Variants in DSCAM observed in about 807,000 individuals in gnomAD.
DSCAM encodes cell adhesion molecule DSCAM.
Under a neutral mutation model 217.7 loss-of-function variants are expected in DSCAM, and 47 were observed. That is an observed-to-expected ratio of 0.22 (90% confidence interval 0.17 to 0.28). DSCAM has a LOEUF of 0.28. DSCAM is among the 10% of genes least tolerant of loss of function. DSCAM has a pLI of 1.00. For synonymous variants in DSCAM, 1,056 were observed against 1,015.3 expected, an observed-to-expected ratio of 1.04 and a Z score of -0.76; for missense variants, 2,080 against 2,618.3, an observed-to-expected ratio of 0.79 and a Z score of 4.49.
At chr21:40,161,211 G>A (rs1385159104) in intron 16 of DSCAM, among the ~76,000 whole-genome samples, 1 of 152,172 alleles carries the variant, frequency 6.6e-6, no homozygotes, top group East Asian at 1.9e-4. Flanking sequence ...TCTGTCCTGG[G>A]ACAGAGAACT....
chr21:40,775,798 C>T (rs887266920), intron 1 of DSCAM, among the ~76,000 whole-genome samples: 1 of 152,130 alleles, frequency 6.6e-6, no homozygotes, highest in Non-Finnish European at 1.5e-5. Context: ...CCTTTTTGTA[C>T]ATTTGTATCT....
chr21:40,487,431 T>C (rs140857059), intron 3 of DSCAM, among the ~76,000 whole-genome samples: 72 of 152,078 alleles, frequency 4.7e-4, no homozygotes, highest in African/African-American at 1.7e-3. Context: ...CATACTGCTA[T>C]TGTCTCTCAG....
chr21:40,095,317 A>G (rs1379507347), intron 20 of DSCAM, among the ~76,000 whole-genome samples: 1 of 152,212 alleles, frequency 6.6e-6, no homozygotes, highest in Non-Finnish European at 1.5e-5. Context: ...TAAAGATGAG[A>G]TTTGGCTGGG....
intron 3 of DSCAM, among the ~76,000 whole-genome samples, chr21:40,659,371 ATCTATCTATC>A (rs2090111686): frequency 2.1e-5 from 3 of 144,566 alleles, no homozygotes; most frequent in Non-Finnish European, 4.4e-5. Context: ...CTATCTATCT[ATCTATCTATC>A]TATCTATCTA....
intron 3 of DSCAM, among the ~76,000 whole-genome samples, chr21:40,516,699 G>A (rs569564692): frequency 6.6e-6 from 1 of 152,288 alleles, no homozygotes; most frequent in East Asian, 1.9e-4. Context: ...CAGAGGTCAG[G>A]AAGGAGAGAA....
At chr21:40,553,092 G>A (rs189570660) in intron 3 of DSCAM, among the ~76,000 whole-genome samples, 37 of 152,236 alleles carry the variant, frequency 2.4e-4, no homozygotes, top group Middle Eastern at 6.8e-3. Flanking sequence ...ATAACAAACC[G>A]TTTAACAATC....
intron 16 of DSCAM, among the ~76,000 whole-genome samples, chr21:40,166,666 A>G (rs1463031286): frequency 6.6e-6 from 1 of 152,236 alleles, no homozygotes; most frequent in African/African-American, 2.4e-5. Context: ...TCCAACAAAC[A>G]CTAAAGTAAC....
chr21:40,261,338 G>A (rs1569029186), intron 11 of DSCAM, among the ~76,000 whole-genome samples: 1 of 152,144 alleles, frequency 6.6e-6, no homozygotes, highest in Non-Finnish European at 1.5e-5. Flanking sequence ...GGGTGTTTCT[G>A]GGCAAGATTA....
At chr21:40,167,500 G>T (rs1179135339) in intron 15 of DSCAM, among the ~76,000 whole-genome samples, 1 of 152,096 alleles carries the variant, frequency 6.6e-6, no homozygotes, top group Non-Finnish European at 1.5e-5. Flanking sequence ...CATGAATCTT[G>T]GGGACCTATC....
intron 3 of DSCAM, among the ~76,000 whole-genome samples, chr21:40,659,499 T>TTATC (rs573118061): frequency 5.3e-5 from 8 of 152,182 alleles, no homozygotes; most frequent in Non-Finnish European, 7.3e-5. Flanking sequence ...TATTTATCTA[T>TTATC]TATCTATCTA....
At chr21:40,036,151 G>C (rs1354636935) in intron 32 of DSCAM, among the ~76,000 whole-genome samples, 1 of 140,430 alleles carries the variant, frequency 7.1e-6, no homozygotes, top group African/African-American at 2.8e-5. Flanking sequence ...CAGAAGGCAA[G>C]AAATAACTAA....
chr21:40,536,024 A>C (rs539543431), intron 3 of DSCAM, among the ~76,000 whole-genome samples: 1 of 152,356 alleles, frequency 6.6e-6, no homozygotes, highest in East Asian at 1.9e-4. Flanking sequence ...CACCCACTGC[A>C]GTGCAGTGTT....
chr21:40,025,723 T>C (rs2088366232), intron 32 of DSCAM, among the ~76,000 whole-genome samples: 2 of 150,930 alleles, frequency 1.3e-5, no homozygotes, highest in African/African-American at 4.9e-5. Context: ...TGATGTCCCC[T>C]TTATCATTTT....
At chr21:40,261,745 A>T (rs2073455186) in intron 11 of DSCAM, among the ~76,000 whole-genome samples, 1 of 152,072 alleles carries the variant, frequency 6.6e-6, no homozygotes, top group South Asian at 2.1e-4. Context: ...ATGTATGCTA[A>T]TAAATAGCAC....
intron 3 of DSCAM, among the ~76,000 whole-genome samples, chr21:40,380,486 T>C (rs968507593): frequency 1.3e-5 from 2 of 152,078 alleles, no homozygotes; most frequent in Admixed American, 1.3e-4. Context: ...AAAGAGTACA[T>C]TGACAAAGAA....
chr21:40,719,053 T>C (rs890331565), intron 1 of DSCAM, among the ~76,000 whole-genome samples: 9 of 152,094 alleles, frequency 5.9e-5, no homozygotes, highest in African/African-American at 1.9e-4. Context: ...GAATTGGAAG[T>C]TGCAGTGAGC....
intron 3 of DSCAM, among the ~76,000 whole-genome samples, chr21:40,643,361 C>T (rs529985769): frequency 6.6e-6 from 1 of 152,256 alleles, no homozygotes; most frequent in African/African-American, 2.4e-5. Context: ...AGAAATTTTG[C>T]AAACATCAGA....
intron 3 of DSCAM, among the ~76,000 whole-genome samples, chr21:40,376,779 C>T (rs1474074927): frequency 6.6e-6 from 1 of 150,378 alleles, no homozygotes; most frequent in African/African-American, 2.4e-5. Context: ...ACAGATATTT[C>T]CTGAGCAATT....
At chr21:40,715,832 C>A (rs917490136) in intron 1 of DSCAM, among the ~76,000 whole-genome samples, 2 of 152,106 alleles carry the variant, frequency 1.3e-5, no homozygotes, top group Non-Finnish European at 2.9e-5. Context: ...TTTCTATCAA[C>A]CCGACTGTGG....
Sources: gnomAD v4.1 joint callset for allele counts (sites outside exome capture counted in the v4.1 genomes callset) on GRCh38, gnomAD v4.1.1 for gene constraint, MANE v1.5 for transcripts, NCBI Gene and HGNC (gene_info 2026-07-23, HGNC 2026-07-21) for gene names.